MAP1B: variants seen among roughly 807,000 people sequenced by gnomAD.
MAP1B encodes microtubule-associated protein 1B.
In MAP1B, 12 loss-of-function variants were observed where a neutral mutation model predicts 176.1. That is an observed-to-expected ratio of 0.07 (90% CI 0.04 to 0.11). MAP1B has a LOEUF of 0.11. Ranked by LOEUF, MAP1B falls within the 10% of genes least tolerant of loss-of-function variation. The pLI, the probability that MAP1B is intolerant of heterozygous loss-of-function variation, is 1.00. For missense variants in MAP1B, 2,523 were observed against 2,990.5 expected (o/e 0.84, Z 3.65); for synonymous variants, 1,044 against 1,135.0 (o/e 0.92, Z 1.61).
At chr5:72,185,945 C>A (rs1403473268) in intron 3 of MAP1B, among the ~76,000 whole-genome samples, 1 of 152,184 alleles carries the variant, frequency 6.6e-6, no homozygotes, top group Non-Finnish European at 1.5e-5. Flanking sequence ...GGCTTCCTGC[C>A]ACTGAAAAGT....
chr5:72,156,128 C>A (rs1746225979), intron 2 of MAP1B, among the ~76,000 whole-genome samples: 1 of 152,068 alleles, frequency 6.6e-6, no homozygotes, highest in South Asian at 2.1e-4. Flanking sequence ...TCTCTTCCTG[C>A]TTCTCACCTC....
At chr5:72,149,590 T>C (rs1746105888) in intron 2 of MAP1B, among the ~76,000 whole-genome samples, 1 of 152,226 alleles carries the variant, frequency 6.6e-6, no homozygotes, top group African/African-American at 2.4e-5. Flanking sequence ...TTAAACAGTT[T>C]GTTGAGCGTC....
At chr5:72,191,174 A>C (rs1747017783) in intron 4 of MAP1B, among the ~76,000 whole-genome samples, 1 of 152,224 alleles carries the variant, frequency 6.6e-6, no homozygotes, top group Non-Finnish European at 1.5e-5. Flanking sequence ...ACTGAGCCTG[A>C]TTATGTATTG....
At chr5:72,154,168 G>T (rs1030885336) in intron 2 of MAP1B, among the ~76,000 whole-genome samples, 2 of 152,102 alleles carry the variant, frequency 1.3e-5, no homozygotes, top group African/African-American at 2.4e-5. Flanking sequence ...ATTCTCGTGT[G>T]TCTATCACAG....
At chr5:72,135,861 A>G (rs917239203) in intron 2 of MAP1B, among the ~76,000 whole-genome samples, 15 of 152,192 alleles carry the variant, frequency 9.9e-5, no homozygotes, top group African/African-American at 3.6e-4. Flanking sequence ...TTTCATGTCC[A>G]ATTACCTAGA....
chr5:72,122,479 T>C (rs1007053191), intron 2 of MAP1B, among the ~76,000 whole-genome samples: 1 of 152,168 alleles, frequency 6.6e-6, no homozygotes, highest in Non-Finnish European at 1.5e-5. Context: ...GGATTCTTTA[T>C]ATCCAGATCC....
At chr5:72,165,130 G>A (rs113487647) in intron 2 of MAP1B, among the ~76,000 whole-genome samples, 32 of 152,214 alleles carry the variant, frequency 2.1e-4, no homozygotes, top group African/African-American at 7.2e-4. Flanking sequence ...AATTTGTAGT[G>A]GATTCCTTGA....
chr5:72,148,431 A>T (rs1746083688), intron 2 of MAP1B, among the ~76,000 whole-genome samples: 1 of 152,248 alleles, frequency 6.6e-6, no homozygotes. Context: ...TTACCCTGCC[A>T]GTTTTGAATA....
chr5:72,112,425 G>C (rs1166818541), intron 1 of MAP1B, among the ~76,000 whole-genome samples: 1 of 152,142 alleles, frequency 6.6e-6, no homozygotes. Context: ...GAACAATCTA[G>C]CCTGTACACA....
At chr5:72,190,086 A>C (rs1455000266) in intron 4 of MAP1B, among the ~76,000 whole-genome samples, 1 of 152,180 alleles carries the variant, frequency 6.6e-6, no homozygotes, top group Non-Finnish European at 1.5e-5. Flanking sequence ...TGGACACCCT[A>C]TTCAGGAGTC....
At chr5:72,127,302 G>A (rs953302154) in intron 2 of MAP1B, among the ~76,000 whole-genome samples, 78 of 152,254 alleles carry the variant, frequency 5.1e-4, no homozygotes, top group African/African-American at 1.7e-3. Flanking sequence ...AGCAATTTTC[G>A]AATCAGATTA....
intron 2 of MAP1B, among the ~76,000 whole-genome samples, chr5:72,162,444 A>G (rs779365374): frequency 5.9e-5 from 9 of 151,816 alleles, no homozygotes; most frequent in Non-Finnish European, 1.2e-4. Flanking sequence ...TGGAGGAAAG[A>G]TGAAATAAAA....
chr5:72,198,661 A>C lies in MAP1B; in HGVS notation c.5306A>C (p.Lys1769Thr). The C allele has an allele frequency of 1.2e-6, 2 of 1,614,158 alleles. No homozygotes were observed. The highest frequency in any genetic ancestry group is 1.7e-6 in the Non-Finnish European group (2 of 1,180,034). ...TTATATGCCTCACTCACCTCTGAAA[A>C]AGTGCAAAGTCTGGAAGGAGAGAAG... ...MSLYASLTSE[K>T]VQSLEGEKLS... Residue 1769 changes from lysine (K) to threonine (T), a missense_variant, in exon 5 of 7, where the codon AAA (lysine) becomes ACA (threonine). Physicochemically the swap from Lys to Thr is moderately conservative, Grantham distance 78. Transcript: ENST00000296755.
intron 2 of MAP1B, among the ~76,000 whole-genome samples, chr5:72,128,408 T>TAA (rs35834892): frequency 0.011 from 1,503 of 141,210 alleles, 13 homozygotes; most frequent in Middle Eastern, 0.022. Flanking sequence ...GATATTGTTT[T>TAA]AAAAAAAAAA....
intron 2 of MAP1B, among the ~76,000 whole-genome samples, chr5:72,123,730 C>T (rs1299814675): frequency 7.2e-5 from 11 of 152,172 alleles, no homozygotes; most frequent in South Asian, 6.2e-4. Context: ...GTGATCTGCC[C>T]GCCTCGGCCT....
rs1038701197 is a variant in MAP1B, at chr5:72,181,589, G to A, written c.287-2154G>A. On this transcript the variant is annotated intron_variant, in intron 2 of 6. Transcript: ENST00000296755. ...TATCAAGTTTTTGAGACAGAGTCTT[G>A]CTCTGTTACCCAGGCTAGGGTGCAA... Among the ~76,000 whole-genome samples the A allele has an allele frequency of 2.0e-5, 3 of 152,108 alleles. No homozygotes were observed. The East Asian group carries it at 5.8e-4, about 29-fold the overall frequency.
intron 2 of MAP1B, among the ~76,000 whole-genome samples, chr5:72,182,780 G>T (rs1454190439): frequency 6.6e-6 from 1 of 152,100 alleles, no homozygotes. Context: ...ACATGTTTGT[G>T]TCTACCCTCC....
intron 2 of MAP1B, among the ~76,000 whole-genome samples, chr5:72,138,324 A>G (rs1443248010): frequency 6.6e-6 from 1 of 152,186 alleles, no homozygotes; most frequent in African/African-American, 2.4e-5. Context: ...TGAACCCAGG[A>G]AGATACACAT....
intron 2 of MAP1B, among the ~76,000 whole-genome samples, chr5:72,129,323 A>T (rs1745684675): frequency 6.6e-6 from 1 of 152,236 alleles, no homozygotes; most frequent in Non-Finnish European, 1.5e-5. Flanking sequence ...TGGGAGGCCA[A>T]GGTGGGCAGA....
Sources: gnomAD v4.1 joint callset for allele counts (sites outside exome capture counted in the v4.1 genomes callset) on GRCh38, gnomAD v4.1.1 for gene constraint, MANE v1.5 for transcripts, NCBI Gene and HGNC (gene_info 2026-07-23, HGNC 2026-07-21) for gene names.